Variants in CATSPER3 observed in about 807,000 individuals in gnomAD.
CATSPER3 encodes cation channel sperm-associated protein 3.
In CATSPER3, 23 loss-of-function variants were observed where a neutral mutation model predicts 36.6. The ratio of observed to expected loss-of-function variants is 0.63; its 90% CI spans 0.45 to 0.89. The LOEUF (loss-of-function observed/expected upper bound fraction) is 0.89. CATSPER3 is among the 40% of genes least tolerant of loss of function. The pLI, the probability that CATSPER3 is intolerant of heterozygous loss-of-function variation, is 0.00. For missense variants in CATSPER3, 474 were observed against 503.9 expected (o/e 0.94, Z 0.57); for synonymous variants, 172 against 184.1 (o/e 0.93, Z 0.53).
At chr5:134,970,923 C>A (rs917283696) in intron 2 of CATSPER3, among the ~76,000 whole-genome samples, 1 of 152,024 alleles carries the variant, frequency 6.6e-6, no homozygotes, top group Non-Finnish European at 1.5e-5. Flanking sequence ...ACTGAGCAAG[C>A]CTGGGCAACA....
chr5:134,982,651 G>A (rs1751763896), intron 2 of CATSPER3, among the ~76,000 whole-genome samples: 1 of 152,182 alleles, frequency 6.6e-6, no homozygotes, highest in Non-Finnish European at 1.5e-5. Context: ...AAACAAAAAT[G>A]AGAGGGTTTG....
At chr5:134,981,739 A>G (rs186451531) in intron 2 of CATSPER3, among the ~76,000 whole-genome samples, 2 of 152,378 alleles carry the variant, frequency 1.3e-5, no homozygotes, top group East Asian at 3.9e-4. Flanking sequence ...ATTATAAAGC[A>G]ATCAAAGAAA....
chr5:135,006,057 T>C lies in CATSPER3; in HGVS notation c.493-1900T>C, dbSNP rs553612159. ...GAATTTGGGAATTCAAAATCACACA[T>C]CCAATGGGGGCCAGACCATGGGCCT... On this transcript the variant is annotated intron_variant, in intron 3 of 7. Coordinates refer to ENST00000282611, the MANE Select transcript of CATSPER3 (RefSeq NM_178019.3). Among the ~76,000 whole-genome samples, 8 of 152,134 alleles carry C rather than the reference T, an allele frequency of 5.3e-5. No individual in the cohort carries two copies. The South Asian group carries it at 1.7e-3, about 32-fold the overall frequency.
chr5:135,005,198 C>G (rs920277211), intron 3 of CATSPER3, among the ~76,000 whole-genome samples: 19 of 152,306 alleles, frequency 1.2e-4, no homozygotes, highest in African/African-American at 3.6e-4. Flanking sequence ...ATTGTGGCAG[C>G]CTGATTAGAA....
At chr5:134,994,929 A>C (rs1259237325) in intron 2 of CATSPER3, among the ~76,000 whole-genome samples, 194 of 111,114 alleles carry the variant, frequency 1.7e-3, no homozygotes, top group Non-Finnish European at 1.8e-3. Context: ...CTCCCTCCCT[A>C]CCTCCCTCCC....
intron 3 of CATSPER3, among the ~76,000 whole-genome samples, chr5:135,005,005 C>T (rs943031526): frequency 8.5e-5 from 13 of 152,068 alleles, no homozygotes; most frequent in Admixed American, 2.6e-4. Context: ...GGGAATCATG[C>T]GAGGAACAGG....
chr5:134,970,951 C>G (rs1405529687), intron 2 of CATSPER3, among the ~76,000 whole-genome samples: 1 of 151,842 alleles, frequency 6.6e-6, no homozygotes, highest in Non-Finnish European at 1.5e-5. Flanking sequence ...ACTCCTATCT[C>G]TCTTTTTTTT....
chr5:135,000,555 T>A (rs190346533), intron 3 of CATSPER3, among the ~76,000 whole-genome samples: 98 of 152,176 alleles, frequency 6.4e-4, no homozygotes, highest in Admixed American at 2.0e-3. Context: ...GGTCCTGGAG[T>A]TTTTTTGGTT....
Position 134,969,995 on chromosome 5 carries a change from T to G in CATSPER3, c.155T>G (p.Phe52Cys). The G allele has an allele frequency of 6.2e-7, 1 of 1,614,096 alleles. No individual in the cohort carries two copies. The highest frequency in any genetic ancestry group is 8.5e-7 in the Non-Finnish European group (1 of 1,179,976). ...AAGAGAGTCATAATGAGCCGTTTCT[T>G]TAAGATAATTATGATTAGCACTGTC... ...FVKRVIMSRFFKIIMISTVTS... is the reference protein window; with the variant it reads ...FVKRVIMSRFCKIIMISTVTS... The change falls in exon 2 of 8, where the codon TTT (phenylalanine) becomes TGT (cysteine). Residue 52 changes from phenylalanine (F) to cysteine (C), a missense_variant. Coordinates refer to ENST00000282611, the MANE Select transcript of CATSPER3 (RefSeq NM_178019.3).
chr5:135,011,522 C>T lies in CATSPER3; in HGVS notation c.1096C>T (p.Leu366Phe). Reference sequence around the variant, plus strand: ...ATCTCCTCCTGCTCCATTTTTCAGGCTTCAAGAGCTGTACTATGAGATCGT... The same window carrying T: ...ATCTCCTCCTGCTCCATTTTTCAGGTTTCAAGAGCTGTACTATGAGATCGT... Reference protein sequence around the residue: ...LDYQDTTVHKLQELYYEIVHV... With the variant: ...LDYQDTTVHKFQELYYEIVHV... Residue 366 changes from leucine to phenylalanine, a missense_variant and splice_region_variant, in exon 8 of 8, where the codon CTT becomes TTT. Leu to Phe is a conservative substitution (Grantham distance 22, BLOSUM62 0). Transcript: ENST00000282611. 6.2e-7 allele frequency: 1 copy of T among 1,612,398 alleles called. No homozygotes were observed. The highest frequency in any genetic ancestry group is 2.2e-5 in the East Asian group (1 of 44,864).
Position 135,007,806 on chromosome 5 carries a change from C to CT in CATSPER3, c.493-151_493-150insT. 4.0e-5 allele frequency: 4 copies of CT among 98,802 alleles called. 1 individual carries two copies. Among genetic ancestry groups the CT allele is most frequent in the Non-Finnish European group, 5.8e-5 (3 of 51,562 alleles). 6.1% of individuals were successfully genotyped at this position (98,802 alleles called of 1,614,324 possible). ...TAGTTTATTCAACCAACCAACCAAC[C>CT]CACCCACCCACCCTTATTGAGCATC... On this transcript the variant is annotated intron_variant, in intron 3 of 7. Coordinates refer to ENST00000282611, the MANE Select transcript of CATSPER3 (RefSeq NM_178019.3).
intron 2 of CATSPER3, among the ~76,000 whole-genome samples, chr5:134,974,565 A>G (rs911660073): frequency 6.6e-6 from 1 of 152,138 alleles, no homozygotes; most frequent in Non-Finnish European, 1.5e-5. Context: ...TTATTACACT[A>G]TATATTTGTT....
In CATSPER3 at chr5:135,008,955, G is replaced by A. The variant is rs145970080; in HGVS notation, c.790G>A (p.Val264Met). 113 of 1,613,864 alleles carry A rather than the reference G, an allele frequency of 7.0e-5. No individual in the cohort carries two copies. The highest frequency in any genetic ancestry group is 3.8e-4 in the East Asian group (17 of 44,884). Residue 264 changes from valine (V) to methionine (M), a missense_variant, in exon 5 of 8, where the codon GTG (valine) becomes ATG (methionine). By Grantham distance (21) the Val-to-Met change is conservative. Coordinates refer to ENST00000282611, the MANE Select transcript of CATSPER3 (RefSeq NM_178019.3). ...LASFIFLNMF[V>M]GVMIMHTEDS... ...CTCTTTCATCTTCCTCAACATGTTC[G>A]TGGGTGTGATGATCATGCACACAGA...
At chr5:134,993,037 T>C (rs1466941112) in intron 2 of CATSPER3, among the ~76,000 whole-genome samples, 2 of 152,120 alleles carry the variant, frequency 1.3e-5, no homozygotes, top group Admixed American at 6.6e-5. Flanking sequence ...ATAAACAAAA[T>C]ATGGTAGATG....
intron 3 of CATSPER3, among the ~76,000 whole-genome samples, chr5:135,006,733 G>A (rs1332098052): frequency 6.6e-6 from 1 of 151,572 alleles, no homozygotes; most frequent in South Asian, 2.1e-4. Flanking sequence ...AGCTACTTGG[G>A]AGGCTGAGGC....
At chr5:134,990,807 T>A (rs922711116) in intron 2 of CATSPER3, among the ~76,000 whole-genome samples, 1 of 152,228 alleles carries the variant, frequency 6.6e-6, no homozygotes. Flanking sequence ...GGGATGCCTG[T>A]ATCTCTATTT....
At chr5:134,970,311 G>A (rs529782792) in intron 2 of CATSPER3, among the ~76,000 whole-genome samples, 4 of 151,826 alleles carry the variant, frequency 2.6e-5, no homozygotes, top group South Asian at 4.2e-4. Context: ...ATAGGCACCC[G>A]CCACCACGCC....
At chr5:134,988,188 T>TA (rs1181756028) in intron 2 of CATSPER3, among the ~76,000 whole-genome samples, 1 of 152,220 alleles carries the variant, frequency 6.6e-6, no homozygotes, top group Non-Finnish European at 1.5e-5. Context: ...ACTTTATTGC[T>TA]AAAAAATGCC....
intron 2 of CATSPER3, among the ~76,000 whole-genome samples, chr5:134,988,321 T>G (rs1751835521): frequency 6.6e-6 from 1 of 152,168 alleles, no homozygotes; most frequent in South Asian, 2.1e-4. Flanking sequence ...CTGTGGCAAT[T>G]TCTTAAAATA....
Sources: gnomAD v4.1 joint callset for allele counts (sites outside exome capture counted in the v4.1 genomes callset) on GRCh38, gnomAD v4.1.1 for gene constraint, MANE v1.5 for transcripts, NCBI Gene and HGNC (gene_info 2026-07-23, HGNC 2026-07-21) for gene names.